Variants in CWC22 observed in about 807,000 individuals in gnomAD.
CWC22 encodes CWC22 spliceosome associated protein.
Under a neutral mutation model 117.2 loss-of-function variants are expected in CWC22, and 53 were observed. The ratio of observed to expected loss-of-function variants is 0.45; its 90% confidence interval spans 0.36 to 0.57. The LOEUF (loss-of-function observed/expected upper bound fraction) is 0.57, where lower values mean the gene tolerates loss of function less well. Among genes scored for constraint, CWC22 ranks in the 20% least tolerant of loss-of-function variants. The probability of loss-of-function intolerance (pLI) is 0.00; values close to 1 mark genes in which losing one functional copy is unlikely to be tolerated. For synonymous variants in CWC22, 360 were observed against 355.6 expected (o/e 1.01, Z -0.14); for missense variants, 980 against 1,068.8 (o/e 0.92, Z 1.16).
Position 179,971,092 on chromosome 2 carries a change from T to C in CWC22, c.805-16A>G. The C allele has an allele frequency of 2.7e-6, 4 of 1,494,704 alleles. No homozygotes were observed. Among genetic ancestry groups the C allele is most frequent in the Middle Eastern group, 1.7e-4 (1 of 5,724 alleles). 92.6% of individuals were successfully genotyped at this position (1,494,704 alleles called of 1,614,324 possible). A position where few individuals can be genotyped will look rare whatever the true frequency, so the allele number is the denominator to read the frequency against. ...CTTCGTGTGCCTTAAATAAAATACA[T>C]ATACAAGGAAGAAACAAAATGCTTT... On this transcript the variant is annotated splice_polypyrimidine_tract_variant and intron_variant, in intron 8 of 19. Transcript: ENST00000410053.
At chr2:179,952,161 A>G (rs1263703192) in intron 17 of CWC22, among the ~76,000 whole-genome samples, 1 of 152,144 alleles carries the variant, frequency 6.6e-6, no homozygotes, top group East Asian at 1.9e-4. Flanking sequence ...CTAAGGCTTA[A>G]AATTAGGGTA....
chr2:179,970,127 A>C (rs1290184867), intron 11 of CWC22, among the ~76,000 whole-genome samples: 1 of 152,218 alleles, frequency 6.6e-6, no homozygotes, highest in Non-Finnish European at 1.5e-5. Context: ...GAAACAATAA[A>C]GTATAGCACT....
chr2:179,981,970 TTC>T lies in CWC22; in HGVS notation c.232_233del (p.Glu78LysfsTer34). 1 of 1,550,956 alleles carries T rather than the reference TTC, an allele frequency of 6.4e-7. No individual in the cohort carries two copies. Among genetic ancestry groups the T allele is most frequent in the Non-Finnish European group, 8.7e-7 (1 of 1,145,864 alleles). On this transcript the variant is annotated frameshift_variant, in exon 5 of 20. Coordinates refer to ENST00000410053, the MANE Select transcript of CWC22 (RefSeq NM_020943.3). LOFTEE classifies it high-confidence loss of function. ...SRNRDREKRR[E>X]RERDTDRKRS... The stretch of plus-strand genomic sequence containing the variant: ...TTTTCCGATCCGTATCTCTTTCTCT[TTC>T]TCTGCGTTTTTCTCGGTCCCTGTTT...
intron 4 of CWC22, among the ~76,000 whole-genome samples, chr2:179,982,561 G>A (rs1687311721): frequency 1.3e-5 from 2 of 152,250 alleles, no homozygotes; most frequent in Non-Finnish European, 2.9e-5. Context: ...TTAGTTGTAA[G>A]ACTACTATAG....
intron 2 of CWC22, among the ~76,000 whole-genome samples, chr2:179,989,573 G>A (rs747715165): frequency 2.0e-5 from 3 of 152,036 alleles, no homozygotes; most frequent in African/African-American, 4.8e-5. Context: ...TACTTTTAGG[G>A]TATAAGCACT....
At chr2:179,964,744 A>C (rs140228284) in intron 12 of CWC22, 116 bp from the exon 13 acceptor site, 70 of 563,904 alleles carry the variant, frequency 1.2e-4, no homozygotes, top group East Asian at 1.1e-3. Context: ...AAATTTAATA[A>C]TATTATCTTT....
rs6433817 is a variant in CWC22, at chr2:179,945,453, C to T, written c.2403G>A (p.Ala801=). ...PSERNNYSRV[A]NDRDQEMHID... ...TATGCATTTCTTGGTCTCTGTCATT[C>T]GCAACTCTACTGTAGTTATTTCGTT... Residue 801 remains alanine (A), a synonymous_variant, in exon 20 of 20, where the codon GCG becomes GCA. Transcript: ENST00000410053. 0.68 allele frequency: 1,096,757 copies of T among 1,612,262 alleles called. 377,504 individuals are homozygous for T. The highest frequency in any genetic ancestry group is 0.73 in the Middle Eastern group (4,416 of 6,062).
intron 19 of CWC22, among the ~76,000 whole-genome samples, chr2:179,946,301 A>C (rs1218672280): frequency 6.6e-6 from 1 of 151,832 alleles, no homozygotes; most frequent in Non-Finnish European, 1.5e-5. Flanking sequence ...AATTCAAAAA[A>C]TTAGCCAGCT....
chr2:179,947,126 AAG>A (rs1280424430), intron 19 of CWC22, among the ~76,000 whole-genome samples: 5 of 152,318 alleles, frequency 3.3e-5, no homozygotes, highest in African/African-American at 4.8e-5. Flanking sequence ...ATAGGCAAGA[AAG>A]AGAAAATATG....
intron 8 of CWC22, among the ~76,000 whole-genome samples, chr2:179,971,446 A>G (rs1291899816): frequency 6.6e-6 from 1 of 152,190 alleles, no homozygotes; most frequent in Non-Finnish European, 1.5e-5. Context: ...TAATTACTAC[A>G]TAAGAAATAG....
chr2:179,945,537 A>T lies in CWC22; in HGVS notation c.2319T>A (p.Ser773Arg), dbSNP rs6433818. 0.88 allele frequency: 1,427,031 copies of T among 1,613,424 alleles called. 631,796 individuals carry two copies. Among genetic ancestry groups the T allele is most frequent in the East Asian group, 1 (44,796 of 44,846 alleles). Residue 773 changes from serine to arginine, a missense_variant, in exon 20 of 20, where the codon AGT becomes AGA. Ser to Arg is a moderately radical substitution (Grantham distance 110, BLOSUM62 -1). Coordinates refer to ENST00000410053, the MANE Select transcript of CWC22 (RefSeq NM_020943.3). Reference protein sequence around the residue: ...RSEKHRDQNSSGSNWRDPITK... With the variant: ...RSEKHRDQNSRGSNWRDPITK... ...TTATAGGATCTCTCCAATTTGAACC[A>T]CTTGAATTTTGATCTCTGTGTTTTT...
chr2:179,975,473 C>G (rs1261618855), intron 6 of CWC22, among the ~76,000 whole-genome samples: 1 of 152,028 alleles, frequency 6.6e-6, no homozygotes, highest in Non-Finnish European at 1.5e-5. Context: ...TAAAAGGTAT[C>G]CAAATCAAAA....
At chr2:179,967,031 C>G (rs1016741820) in intron 11 of CWC22, among the ~76,000 whole-genome samples, 1 of 152,158 alleles carries the variant, frequency 6.6e-6, no homozygotes, top group Non-Finnish European at 1.5e-5. Context: ...AAGAGATAAT[C>G]TGAAGTATCT....
chr2:180,002,380 T>C (rs537332937), intron 1 of CWC22, among the ~76,000 whole-genome samples: 1 of 152,270 alleles, frequency 6.6e-6, no homozygotes, highest in East Asian at 1.9e-4. Flanking sequence ...AATTGATATT[T>C]ATATTCAGTG....
At chr2:179,990,923 G>T (rs1687549571) in intron 2 of CWC22, among the ~76,000 whole-genome samples, 3 of 152,114 alleles carry the variant, frequency 2.0e-5, no homozygotes, top group Non-Finnish European at 2.9e-5. Flanking sequence ...ACTTGAATTT[G>T]GCTTTGGTAG....
intron 16 of CWC22, among the ~76,000 whole-genome samples, chr2:179,953,136 G>A (rs1686495773): frequency 6.6e-6 from 1 of 151,996 alleles, no homozygotes; most frequent in Admixed American, 6.6e-5. Flanking sequence ...TGTGTTTGGG[G>A]GGCCCATTAG....
At position 179,945,308 on chromosome 2, in the gene CWC22, C is replaced by T. The variant is rs755325747; in HGVS notation, c.2548G>A (p.Asp850Asn). 16 of 1,613,468 alleles carry T rather than the reference C, an allele frequency of 9.9e-6. No individual in the cohort carries two copies. Among genetic ancestry groups the T allele is most frequent in the Admixed American group, 1.7e-5 (1 of 59,942 alleles). The change falls in exon 20 of 20, where the codon GAT (aspartate) becomes AAT (asparagine). Residue 850 changes from aspartate to asparagine, a missense_variant. Physicochemically the swap from Asp to Asn is conservative, Grantham distance 23 (BLOSUM62 1). This residue lies in a region of CWC22 where 306 missense variants were observed against 296.8 expected (regional missense o/e 1.03). Transcript: ENST00000410053. ...TTCATTTCCTTTGACTTTGATCTAT[C>T]TTTTCTTCTGAAATTTTCACTGTCT... ...IKDSENFRRK[D>N]RSKSKEMNRK...
chr2:179,996,710 T>A (rs924541614), intron 1 of CWC22, among the ~76,000 whole-genome samples: 9 of 152,014 alleles, frequency 5.9e-5, no homozygotes, highest in African/African-American at 2.2e-4. Flanking sequence ...ACCACTGAAC[T>A]GTACACTTAA....
intron 2 of CWC22, among the ~76,000 whole-genome samples, chr2:179,992,713 C>CA (rs779756252): frequency 6.6e-6 from 1 of 152,182 alleles, no homozygotes; most frequent in Non-Finnish European, 1.5e-5. Flanking sequence ...GTTCTTAGAA[C>CA]AATCACTATA....
Sources: gnomAD v4.1 joint callset for allele counts (sites outside exome capture counted in the v4.1 genomes callset) on GRCh38, gnomAD v4.1.1 for gene constraint, gnomAD v4.1.1 regional missense constraint, MANE v1.5 for transcripts, NCBI Gene and HGNC (gene_info 2026-07-23, HGNC 2026-07-21) for gene names.